Variants in C1GALT1 observed in about 807,000 individuals in gnomAD.
C1GALT1 encodes glycoprotein-N-acetylgalactosamine 3-beta-galactosyltransferase 1.
Under a neutral mutation model 31.0 loss-of-function variants are expected in C1GALT1, and 11 were observed. That is an observed-to-expected ratio of 0.36 (90% CI 0.22 to 0.59). The LOEUF (loss-of-function observed/expected upper bound fraction) is 0.59. Among genes scored for constraint, C1GALT1 ranks in the 20% least tolerant of loss-of-function variants. The pLI is 0.79. For missense variants in C1GALT1, 424 were observed against 425.2 expected (o/e 1.00, Z 0.03); for synonymous variants, 175 against 143.6 (o/e 1.22, Z -1.56).
rs1780333849 is a variant in C1GALT1 at position 7,161,515 on chromosome 7, A to C, written c.-18+4089A>C. 2.0e-5 allele frequency among the ~76,000 whole-genome samples: 3 copies of C among 152,140 alleles called. No homozygotes were observed. The South Asian group carries it at 6.2e-4, about 31-fold the overall frequency. On this transcript the variant is annotated intron_variant, in intron 2 of 3. Coordinates refer to the C1GALT1 transcript ENST00000429911. ...TTGTCAGTCCACTTTTTATTATAAGAGTTGCTGATAAAAATAACTACCATT... is the reference window on the plus strand; with the variant it reads ...TTGTCAGTCCACTTTTTATTATAAGCGTTGCTGATAAAAATAACTACCATT...
At chr7:7,241,036 CT>C (rs1239915581) in intron 3 of C1GALT1, among the ~76,000 whole-genome samples, 1 of 151,954 alleles carries the variant, frequency 6.6e-6, no homozygotes, top group Non-Finnish European at 1.5e-5. Context: ...TAGTAATAGA[CT>C]TTTCACCAGA....
rs751734811 is a variant in C1GALT1, at chr7:7,234,439, T to C, written c.120T>C (p.Asn40=). The C allele has an allele frequency of 3.7e-6, 6 of 1,613,974 alleles. No homozygotes were observed. The South Asian group carries it at 6.6e-5, about 18-fold the overall frequency. Residue 40 remains asparagine, a synonymous_variant, in exon 2 of 4, where the codon AAT becomes AAC. Transcript: ENST00000436587. ...GAGAAAAGGTTGACACCCAGCCTAATGTTCTTCATAATGATCCTCATGCAA... is the reference window on the plus strand; with the variant it reads ...GAGAAAAGGTTGACACCCAGCCTAACGTTCTTCATAATGATCCTCATGCAA... ...LLGEKVDTQP[N]VLHNDPHARH...
intron 1 of C1GALT1, among the ~76,000 whole-genome samples, chr7:7,199,175 G>A (rs976630540): frequency 6.6e-6 from 1 of 152,088 alleles, no homozygotes; most frequent in South Asian, 2.1e-4. Flanking sequence ...TGGTCATTTA[G>A]TGCTATAAAT....
chr7:7,192,031 G>T (rs999473216), intron 1 of C1GALT1, among the ~76,000 whole-genome samples: 5 of 151,916 alleles, frequency 3.3e-5, no homozygotes, highest in African/African-American at 9.7e-5. Flanking sequence ...TCACATCCAA[G>T]AAATCATTGC....
At chr7:7,164,705 C>T (rs902575338) in intron 2 of C1GALT1, among the ~76,000 whole-genome samples, 1 of 152,104 alleles carries the variant, frequency 6.6e-6, no homozygotes, top group Non-Finnish European at 1.5e-5. Context: ...AAGGAAAGCT[C>T]TATTTTTAAT....
chr7:7,172,796 C>G (rs1780468183), intron 2 of C1GALT1, among the ~76,000 whole-genome samples: 1 of 152,058 alleles, frequency 6.6e-6, no homozygotes, highest in Non-Finnish European at 1.5e-5. Flanking sequence ...ATCAATGAAC[C>G]AACAGTGACA....
chr7:7,212,804 G>T (rs1004555255), intron 1 of C1GALT1, among the ~76,000 whole-genome samples: 5 of 152,086 alleles, frequency 3.3e-5, no homozygotes, highest in African/African-American at 1.2e-4. Context: ...CACAAGGGCT[G>T]GGAGGAATGT....
chr7:7,239,862 A>G (rs1310972637), intron 3 of C1GALT1, among the ~76,000 whole-genome samples: 1 of 152,174 alleles, frequency 6.6e-6, no homozygotes, highest in East Asian at 1.9e-4. Flanking sequence ...TGCCCTTTTC[A>G]CACAACATTG....
chr7:7,237,463 G>C (rs796794625), intron 2 of C1GALT1, among the ~76,000 whole-genome samples: 6 of 152,340 alleles, frequency 3.9e-5, no homozygotes, highest in African/African-American at 1.4e-4. Flanking sequence ...GGTTGGTTCT[G>C]ATAGTAGGCC....
At chr7:7,200,815 C>T (rs141957309) in intron 1 of C1GALT1, among the ~76,000 whole-genome samples, 3 of 152,172 alleles carry the variant, frequency 2.0e-5, no homozygotes, top group Non-Finnish European at 2.9e-5. Flanking sequence ...GCATGCATCA[C>T]GTAGTTCTTG....
chr7:7,232,114 T>C (rs1446946379), intron 1 of C1GALT1, among the ~76,000 whole-genome samples: 4 of 152,226 alleles, frequency 2.6e-5, no homozygotes, highest in African/African-American at 9.7e-5. Flanking sequence ...GATAGAGCAG[T>C]GCCAGATGTC....
At chr7:7,227,779 C>T (rs112311129) in intron 1 of C1GALT1, among the ~76,000 whole-genome samples, 6 of 152,092 alleles carry the variant, frequency 3.9e-5, no homozygotes, top group African/African-American at 1.4e-4. Context: ...CATGCGTATC[C>T]CTCATGCCAT....
intron 1 of C1GALT1, among the ~76,000 whole-genome samples, chr7:7,203,757 T>A (rs1278200922): frequency 6.6e-6 from 1 of 152,146 alleles, no homozygotes; most frequent in East Asian, 1.9e-4. Context: ...GATGTTACAG[T>A]ACATATAATG....
At chr7:7,192,772 C>T (rs1562564205) in intron 1 of C1GALT1, among the ~76,000 whole-genome samples, 1 of 152,126 alleles carries the variant, frequency 6.6e-6, no homozygotes. Context: ...TTCCCAGCAG[C>T]AGTGTAAAAG....
intron 1 of C1GALT1, among the ~76,000 whole-genome samples, chr7:7,212,220 G>A (rs1449036068): frequency 1.3e-5 from 2 of 152,200 alleles, no homozygotes; most frequent in Non-Finnish European, 2.9e-5. Context: ...TTCCAGACCT[G>A]TTAGAAAGTG....
intron 3 of C1GALT1, among the ~76,000 whole-genome samples, chr7:7,240,425 A>G (rs1398650474): frequency 6.6e-6 from 1 of 152,150 alleles, no homozygotes; most frequent in African/African-American, 2.4e-5. Flanking sequence ...TATTTTAGTG[A>G]GAGTACTACT....
At chr7:7,221,055 T>G (rs1347748331) in intron 1 of C1GALT1, among the ~76,000 whole-genome samples, 1 of 152,184 alleles carries the variant, frequency 6.6e-6, no homozygotes, top group Non-Finnish European at 1.5e-5. Flanking sequence ...TCTTTATGGG[T>G]CTGTTTTTAT....
upstream of C1GALT1, among the ~76,000 whole-genome samples, chr7:7,179,221 G>C (rs1780541887): frequency 6.6e-6 from 1 of 152,016 alleles, no homozygotes; most frequent in Non-Finnish European, 1.5e-5. Context: ...ATGTTTTATA[G>C]TCTCCCCTCA....
intron 2 of C1GALT1, among the ~76,000 whole-genome samples, chr7:7,162,747 T>G (rs1415477362): frequency 6.6e-6 from 1 of 152,052 alleles, no homozygotes; most frequent in Non-Finnish European, 1.5e-5. Context: ...GTAAAAGTGT[T>G]CCTATTTCTC....
Sources: allele counts gnomAD v4.1 joint callset (sites outside exome capture counted in the v4.1 genomes callset), GRCh38; gene constraint gnomAD v4.1.1; transcripts MANE v1.5; gene names NCBI Gene and HGNC (gene_info 2026-07-23, HGNC 2026-07-21).